Variants in PAQR5 observed in about 807,000 individuals in gnomAD.
PAQR5 encodes the protein membrane progestin receptor gamma.
A neutral mutation model predicts 34.5 loss-of-function variants in PAQR5; 20 were observed. That is an observed-to-expected ratio of 0.58 (90% CI 0.41 to 0.84). PAQR5 has a LOEUF of 0.84. Ranked by LOEUF, PAQR5 falls within the 40% of genes least tolerant of loss-of-function variation. The pLI is 0.00. For synonymous variants in PAQR5, 131 were observed against 155.6 expected (o/e 0.84, Z 1.18); for missense variants, 378 against 412.7 (o/e 0.92, Z 0.73).
Position 69,382,746 on chromosome 15 carries a change from G to A in PAQR5, c.180-1931G>A, listed in dbSNP as rs9672151. 5.4e-4 allele frequency: 70 copies of A among 130,554 alleles called. 1 individual carries two copies. The highest frequency in any genetic ancestry group is 2.7e-4 in the Non-Finnish European group (17 of 63,010). 8.1% of individuals were successfully genotyped at this position (130,554 alleles called of 1,614,324 possible). A position where few individuals can be genotyped will look rare whatever the true frequency, so the allele number is the denominator to read the frequency against. ...TGTATGTATATGTGTATATATATAT[G>A]TGTGTATATATATGTGTATATATAT... On this transcript the variant is annotated intron_variant, in intron 4 of 8. Transcript: ENST00000395407.
chr15:69,326,948 T>C (rs1212378514), intron 1 of PAQR5, among the ~76,000 whole-genome samples: 1 of 152,160 alleles, frequency 6.6e-6, no homozygotes, highest in Non-Finnish European at 1.5e-5. Context: ...CTATGGACTT[T>C]GACAAATGCT....
chr15:69,389,341 C>T (rs1306291190), intron 5 of PAQR5, among the ~76,000 whole-genome samples: 1 of 152,230 alleles, frequency 6.6e-6, no homozygotes, highest in African/African-American at 2.4e-5. Flanking sequence ...ACCTCTCTAT[C>T]CCTCTGCTTC....
At position 69,301,859 on chromosome 15, in the gene PAQR5, A is replaced by ATTTTTTTTTTTTTTTTTTT. The variant is rs71149903; in HGVS notation, c.-277+2822_-277+2840dup. ...GTGAATTCATAAGAAATGGGGGGAG[A>ATTTTTTTTTTTTTTTTTTT]TTTTTTTTTTTTTTTTTTTTTTTTT... is the stretch of plus-strand genomic sequence containing the variant. On this transcript the variant is annotated intron_variant, in intron 1 of 8. Coordinates refer to ENST00000395407, the MANE Select transcript of PAQR5 (RefSeq NM_017705.4). Among the ~76,000 whole-genome samples, 5 of 98,868 alleles carry ATTTTTTTTTTTTTTTTTTT rather than the reference A, an allele frequency of 5.1e-5. 2 individuals carry two copies. Among genetic ancestry groups the ATTTTTTTTTTTTTTTTTTT allele is most frequent in the Non-Finnish European group, 5.4e-5 (3 of 55,910 alleles). The allele number at this position is 98,868 out of a possible 152,430, so 64.9% of individuals were successfully genotyped here.
intron 2 of PAQR5, among the ~76,000 whole-genome samples, chr15:69,340,962 C>A (rs1233337621): frequency 1.3e-5 from 2 of 152,104 alleles, no homozygotes; most frequent in Non-Finnish European, 2.9e-5. Flanking sequence ...ATGGAGCAGA[C>A]TACAAAAAGC....
intron 6 of PAQR5, among the ~76,000 whole-genome samples, chr15:69,392,918 A>G (rs1176109267): frequency 1.3e-5 from 2 of 151,840 alleles, no homozygotes; most frequent in African/African-American, 4.8e-5. Flanking sequence ...GATGGAGGAG[A>G]GCAGCTACAG....
rs1173142630 is a variant in PAQR5, at chr15:69,360,022, G to C, written c.-59G>C. 1.5e-6 allele frequency: 2 copies of C among 1,377,524 alleles called. No homozygotes were observed. Among genetic ancestry groups the C allele is most frequent in the East Asian group, 4.6e-5 (2 of 43,730 alleles). 85.3% of individuals were successfully genotyped at this position (1,377,524 alleles called of 1,614,324 possible). On this transcript the variant is annotated 5_prime_UTR_variant, in exon 3 of 9. Transcript: ENST00000395407. ...GCCCCAGGCCATGTTAGAGCTTTGA[G>C]TGAGGCCTGGTAACAGGGAGGCGCT... is the stretch of plus-strand genomic sequence containing the variant.
At chr15:69,403,087 G>T (rs555142839) in intron 8 of PAQR5, among the ~76,000 whole-genome samples, 2 of 152,382 alleles carry the variant, frequency 1.3e-5, no homozygotes, top group African/African-American at 4.8e-5. Context: ...GTGAGACTCT[G>T]AGCTGATCAG....
At chr15:69,386,308 C>A (rs1355783175) in intron 5 of PAQR5, among the ~76,000 whole-genome samples, 2 of 151,680 alleles carry the variant, frequency 1.3e-5, no homozygotes, top group African/African-American at 4.8e-5. Flanking sequence ...CTCACTCACA[C>A]ACTCTCACAC....
intron 2 of PAQR5, among the ~76,000 whole-genome samples, chr15:69,349,499 A>G (rs1400398338): frequency 1.3e-5 from 2 of 152,190 alleles, no homozygotes; most frequent in Non-Finnish European, 2.9e-5. Context: ...TGGGCACACT[A>G]AACAGAGATT....
At chr15:69,347,460 T>G (rs976107758) in intron 2 of PAQR5, among the ~76,000 whole-genome samples, 2 of 152,212 alleles carry the variant, frequency 1.3e-5, no homozygotes, top group East Asian at 3.8e-4. Context: ...AAAAGGAAAC[T>G]TACACCCCAT....
chr15:69,306,915 C>A (rs2053729845), intron 1 of PAQR5, among the ~76,000 whole-genome samples: 1 of 152,122 alleles, frequency 6.6e-6, no homozygotes, highest in Non-Finnish European at 1.5e-5. Context: ...ACTCTAGATA[C>A]CTCCTGTAAG....
Position 69,400,073 on chromosome 15 carries a change from C to T in PAQR5, c.709C>T (p.His237Tyr). ...CCTGGCCTCTTTCTTGTACTCTGCA[C>T]ATCTGCCAGAACGCCTAGCCCCTGG... ...TLLASFLYSA[H>Y]LPERLAPGRF... is the part of the protein sequence containing the mutation. Residue 237 changes from histidine to tyrosine, a missense_variant, in exon 8 of 9, where the codon CAT becomes TAT. His to Tyr is a moderately conservative substitution (Grantham distance 83). Coordinates refer to ENST00000395407, the MANE Select transcript of PAQR5 (RefSeq NM_017705.4). The T allele has an allele frequency of 6.2e-7, 1 of 1,614,204 alleles. No homozygotes were observed. The highest frequency in any genetic ancestry group is 8.5e-7 in the Non-Finnish European group (1 of 1,180,010).
At chr15:69,375,306 A>C (rs2055676612) in intron 3 of PAQR5, among the ~76,000 whole-genome samples, 1 of 151,910 alleles carries the variant, frequency 6.6e-6, no homozygotes, top group Non-Finnish European at 1.5e-5. Context: ...TGTGAATTCA[A>C]ATTTCCCCTT....
At chr15:69,359,158 T>C (rs981267086) in intron 2 of PAQR5, among the ~76,000 whole-genome samples, 1 of 152,182 alleles carries the variant, frequency 6.6e-6, no homozygotes, top group African/African-American at 2.4e-5. Flanking sequence ...CTCTTTTCTA[T>C]GAGCACTAAT....
At chr15:69,401,228 G>A (rs2056618034) in intron 8 of PAQR5, among the ~76,000 whole-genome samples, 1 of 152,144 alleles carries the variant, frequency 6.6e-6, no homozygotes, top group African/African-American at 2.4e-5. Context: ...CCTTAGGTGA[G>A]TACATGGGAA....
At chr15:69,333,009 T>A (rs1390450963) in intron 1 of PAQR5, among the ~76,000 whole-genome samples, 3 of 152,158 alleles carry the variant, frequency 2.0e-5, no homozygotes, top group African/African-American at 7.2e-5. Flanking sequence ...TCAGCTTAAT[T>A]AAAAGTGGAT....
chr15:69,303,721 T>C (rs1159252196), intron 1 of PAQR5, among the ~76,000 whole-genome samples: 1 of 151,998 alleles, frequency 6.6e-6, no homozygotes, highest in Non-Finnish European at 1.5e-5. Flanking sequence ...AACCGACCAG[T>C]CTGAGAAATG....
intron 2 of PAQR5, among the ~76,000 whole-genome samples, chr15:69,343,345 G>T (rs1296571179): frequency 1.3e-5 from 2 of 152,336 alleles, no homozygotes; most frequent in Admixed American, 6.5e-5. Context: ...GGGAACGCCA[G>T]GTAACCCTGG....
intron 1 of PAQR5, among the ~76,000 whole-genome samples, chr15:69,304,822 C>T (rs2053679182): frequency 6.6e-6 from 1 of 152,164 alleles, no homozygotes; most frequent in Admixed American, 6.5e-5. Context: ...TGGAGCCTGC[C>T]AGAGACACAG....
Sources: gnomAD v4.1 joint callset for allele counts (sites outside exome capture counted in the v4.1 genomes callset) on GRCh38, gnomAD v4.1.1 for gene constraint, MANE v1.5 for transcripts, NCBI Gene and HGNC (gene_info 2026-07-23, HGNC 2026-07-21) for gene names.